The following AKNA variants were observed in gnomAD, a reference collection of about 807,000 sequenced individuals.
AKNA encodes microtubule organization protein AKNA.
Under a neutral mutation model 138.8 loss-of-function variants are expected in AKNA, and 67 were observed. The observed-to-expected ratio is 0.48, with a 90% CI of 0.40 to 0.59. AKNA has a LOEUF of 0.59. Among genes scored for constraint, AKNA ranks in the 20% least tolerant of loss-of-function variants. The pLI is 0.00. For missense variants in AKNA, 1,813 were observed against 1,880.4 expected, an observed-to-expected ratio of 0.96 and a Z score of 0.66; for synonymous variants, 737 against 754.4, an observed-to-expected ratio of 0.98 and a Z score of 0.38.
At chr9:114,390,400 C>G (rs1005500245), upstream of AKNA, among the ~76,000 whole-genome samples, 8 of 152,132 alleles carry the variant, frequency 5.3e-5, no homozygotes, top group Non-Finnish European at 1.2e-4. Flanking sequence ...CAGGTACACA[C>G]TGAGAATCAA....
At position 114,381,298 on chromosome 9, in the gene AKNA, C is replaced by T; in HGVS notation, c.36G>A (p.Glu12=). 6.2e-7 allele frequency: 1 copy of T among 1,608,330 alleles called. No homozygotes were observed. Among genetic ancestry groups the T allele is most frequent in the African/African-American group, 1.3e-5 (1 of 74,970 alleles). Residue 12 remains glutamate (E), a synonymous_variant, in exon 2 of 22, where the codon GAG becomes GAA. Coordinates refer to ENST00000374088, the MANE Select transcript of AKNA (RefSeq NM_001317950.2). ...GCTGGGGGCCCTTCCCCAGGCCAGG[C>T]TCAGCCCAGCGGATCTCAGTCTCCG... The part of the protein sequence containing the change: ...ASSETEIRWA[E]PGLGKGPQRR...
intron 11 of AKNA, 84 bp from the exon 12 acceptor site, chr9:114,358,251 C>A: frequency 1.3e-6 from 2 of 1,574,566 alleles, no homozygotes. Context: ...GCCAAGCAGC[C>A]CAGGGCACAA....
intron 7 of AKNA, 139 bp from the exon 8 acceptor site, chr9:114,362,672 G>T: frequency 8.2e-7 from 1 of 1,212,944 alleles, no homozygotes; most frequent in Non-Finnish European, 1.1e-6. Flanking sequence ...TACAGGCTGA[G>T]GTTGAGATCT....
In AKNA at chr9:114,346,018, GA is replaced by G; in HGVS notation, c.3515-10del. On this transcript the variant is annotated splice_polypyrimidine_tract_variant and intron_variant, in intron 17 of 21. Transcript: ENST00000374088. ...CAGCTCAGATTCTGAACCTGGGGTA[GA>G]AAAAGTGGGGCATCAGAGGGGGCAA... The G allele has an allele frequency of 6.2e-7, 1 of 1,600,448 alleles. No homozygotes were observed. Among genetic ancestry groups the G allele is most frequent in the South Asian group, 1.1e-5 (1 of 90,448 alleles).
chr9:114,363,663 C>CT (rs912588448), intron 7 of AKNA, among the ~76,000 whole-genome samples: 13 of 152,288 alleles, frequency 8.5e-5, no homozygotes, highest in African/African-American at 3.1e-4. Context: ...CTGCTCTGTG[C>CT]TTTGAGCATC....
chr9:114,356,032 G>A lies in AKNA; in HGVS notation c.2951C>T (p.Pro984Leu), dbSNP rs1248096186. ...GSLIPRRATE[P>L]STPRSQAQRY... The stretch of plus-strand genomic sequence containing the variant: ...CTGTGCTTGGCTCCGGGGTGTGCTG[G>A]GCTCTGTGGCTCTTCTGGGAATCAG... Residue 984 changes from proline to leucine, a missense_variant, in exon 14 of 22, where the codon CCC becomes CTC. By Grantham distance (98) the Pro-to-Leu change is moderately conservative. Coordinates refer to ENST00000374088, the MANE Select transcript of AKNA (RefSeq NM_001317950.2). 19 of 1,614,050 alleles carry A rather than the reference G, an allele frequency of 1.2e-5. No individual in the cohort carries two copies. Among genetic ancestry groups the A allele is most frequent in the South Asian group, 3.3e-5 (3 of 91,094 alleles).
intron 9 of AKNA, among the ~76,000 whole-genome samples, chr9:114,360,732 G>A (rs1483822957): frequency 2.0e-5 from 3 of 152,174 alleles, no homozygotes; most frequent in South Asian, 2.1e-4. Flanking sequence ...AGTCTTTGCA[G>A]CACAGGCAAC....
At chr9:114,391,722 GCCTGTAATCCTC>G (rs1834345321), upstream of AKNA, among the ~76,000 whole-genome samples, 1 of 151,920 alleles carries the variant, frequency 6.6e-6, no homozygotes, top group South Asian at 2.1e-4. Context: ...GGTGGCAGGT[GCCTGTAATCCTC>G]CCTGTAATAC....
chr9:114,342,078 G>T lies in AKNA; in HGVS notation c.3805C>A (p.Leu1269Ile), dbSNP rs1206466194. The change falls in exon 20 of 22, where the codon CTT becomes ATT. Residue 1269 changes from leucine (L) to isoleucine (I), a missense_variant. Coordinates refer to ENST00000374088, the MANE Select transcript of AKNA (RefSeq NM_001317950.2). ...DPLGPPPADTLQCPLCGQVGS... is the reference protein window; with the variant it reads ...DPLGPPPADTIQCPLCGQVGS... The stretch of plus-strand genomic sequence containing the variant: ...ACTTGACCACACAGGGGACACTGAA[G>T]GGTATCAGCGGGAGGCGGTCCCAGT... The T allele has an allele frequency of 6.2e-7, 1 of 1,612,388 alleles. No individual in the cohort carries two copies.
intron 1 of AKNA, 35 bp downstream of exon 1, chr9:114,387,825 G>A (rs577346319): frequency 9.4e-6 from 4 of 427,548 alleles, no homozygotes; most frequent in Admixed American, 2.5e-5. Context: ...GAAGGAAAGC[G>A]GCCTCCCGGG....
At position 114,368,459 on chromosome 9, in the gene AKNA, G is replaced by A; in HGVS notation, c.1553C>T (p.Pro518Leu). ...CTCACCTGAGGCCGCAGAGGCCTGG[G>A]GGTCCTCGGCCGGGCCCGGCCACCA... is the stretch of plus-strand genomic sequence containing the variant. ...AEWWPGPAED[P>L]QASAASGWPS... is the part of the protein sequence containing the mutation. The change falls in exon 5 of 22, where the codon CCC becomes CTC. Residue 518 changes from proline (P) to leucine (L), a missense_variant. By Grantham distance (98) the Pro-to-Leu change is moderately conservative. Coordinates refer to ENST00000374088, the MANE Select transcript of AKNA (RefSeq NM_001317950.2). The A allele has an allele frequency of 7.5e-7, 1 of 1,330,518 alleles. No individual in the cohort carries two copies. Among genetic ancestry groups the A allele is most frequent in the Non-Finnish European group, 9.7e-7 (1 of 1,030,622 alleles). 82.4% of individuals were successfully genotyped at this position (1,330,518 alleles called of 1,614,324 possible). A position where few individuals can be genotyped will look rare whatever the true frequency, so the allele number is the denominator to read the frequency against.
rs1272725972 is a variant in AKNA, at chr9:114,358,055, C to A, written c.2605G>T (p.Gly869Cys). Reference protein sequence around the residue: ...GKAEAAPPGPGVPPHPPGTKS... With the variant: ...GKAEAAPPGPCVPPHPPGTKS... ...GTGCCTGGAGGGTGGGGTGGCACGC[C>A]AGGGCCTGGAGGGGCTGCCTCAGCC... The change falls in exon 12 of 22, where the codon GGC (glycine) becomes TGC (cysteine). Residue 869 changes from glycine to cysteine, a missense_variant. By Grantham distance (159) the Gly-to-Cys change is radical. Transcript: ENST00000374088. 16 of 1,612,494 alleles carry A rather than the reference C, an allele frequency of 9.9e-6. No homozygotes were observed. The highest frequency in any genetic ancestry group is 1.4e-5 in the Non-Finnish European group (16 of 1,178,948).
upstream of AKNA, chr9:114,388,034 C>T (rs976925194): frequency 1.1e-5 from 3 of 271,506 alleles, no homozygotes; most frequent in African/African-American, 2.2e-5. Flanking sequence ...CCTCTCCCCG[C>T]CCCTGCCGTG....
At chr9:114,382,997 AT>A (rs1833795696) in intron 1 of AKNA, among the ~76,000 whole-genome samples, 1 of 152,202 alleles carries the variant, frequency 6.6e-6, no homozygotes, top group African/African-American at 2.4e-5. Flanking sequence ...TTTCACCTCA[AT>A]TTAAAGAAAA....
intron 13 of AKNA, 117 bp downstream of exon 13, chr9:114,356,746 G>T: frequency 1.1e-6 from 1 of 874,222 alleles, no homozygotes. Flanking sequence ...GGGATGAAAT[G>T]AGGGCCTACG....
intron 12 of AKNA, 41 bp downstream of exon 12, chr9:114,357,880 A>G (rs1362105625): frequency 6.3e-7 from 1 of 1,585,994 alleles, no homozygotes; most frequent in South Asian, 1.2e-5. Context: ...CCCAGGAATG[A>G]CCCTGAGGTT....
chr9:114,366,132 A>G (rs1291118044), intron 6 of AKNA, among the ~76,000 whole-genome samples: 1 of 152,062 alleles, frequency 6.6e-6, no homozygotes, highest in Non-Finnish European at 1.5e-5. Context: ...TACAAAAATT[A>G]GCCAGGCATG....
chr9:114,378,334 A>G (rs1833395009), intron 2 of AKNA, among the ~76,000 whole-genome samples: 1 of 152,208 alleles, frequency 6.6e-6, no homozygotes, highest in Non-Finnish European at 1.5e-5. Context: ...GACTAGGTCA[A>G]GTTCTCCCTT....
chr9:114,350,729 G>A (rs899437182), intron 15 of AKNA, 130 bp downstream of exon 15: 2 of 1,045,096 alleles, frequency 1.9e-6, no homozygotes, highest in South Asian at 1.7e-5. Flanking sequence ...AGGACACCTG[G>A]GTCCGTCTGC....
Sources: gnomAD v4.1 joint callset for allele counts (sites outside exome capture counted in the v4.1 genomes callset) on GRCh38, gnomAD v4.1.1 for gene constraint, MANE v1.5 for transcripts, NCBI Gene and HGNC (gene_info 2026-07-23, HGNC 2026-07-21) for gene names.